The following VAX1 variants were observed in gnomAD, a reference collection of about 807,000 sequenced individuals.
VAX1 encodes the protein ventral anterior homeobox 1.
Under a neutral mutation model 17.6 loss-of-function variants are expected in VAX1, and 6 were observed. The ratio of observed to expected loss-of-function variants is 0.34; its 90% CI spans 0.19 to 0.67. VAX1 has a LOEUF of 0.67. Among genes scored for constraint, VAX1 ranks in the 30% least tolerant of loss-of-function variants. The probability of loss-of-function intolerance (pLI) is 0.69; values close to 1 mark genes in which losing one functional copy is unlikely to be tolerated. For missense variants in VAX1, 408 were observed against 463.7 expected (o/e 0.88, Z 1.10); for synonymous variants, 256 against 227.4 (o/e 1.13, Z -1.13).
Position 117,136,697 on chromosome 10 carries a change from G to A in VAX1, c.242-38C>T, listed in dbSNP as rs756420845. The A allele has an allele frequency of 1.7e-5, 27 of 1,586,380 alleles. No individual in the cohort carries two copies. The highest frequency in any genetic ancestry group is 2.7e-5 in the African/African-American group (2 of 74,296). ...AGATGTCAGCCGCCAGAACCCTCCCGTCCCCCTCCACCTCCTTGGCCCGAG... is the reference window on the plus strand; with the variant it reads ...AGATGTCAGCCGCCAGAACCCTCCCATCCCCCTCCACCTCCTTGGCCCGAG... On this transcript the variant is annotated intron_variant, in intron 1 of 2. Transcript: ENST00000369206. The surrounding 1 kb of genome is among the most constrained non-coding windows in gnomAD (Gnocchi z 5.0).
downstream of VAX1, among the ~76,000 whole-genome samples, chr10:117,132,994 C>CCGTA (rs1188188648): frequency 6.6e-6 from 1 of 152,160 alleles, no homozygotes; most frequent in Non-Finnish European, 1.5e-5. The surrounding 1 kb of genome is among the most constrained non-coding windows in gnomAD (Gnocchi z 4.9). Flanking sequence ...GCCTGGGAGG[C>CCGTA]CGTAGGGTGA....
chr10:117,133,456 G>A lies in VAX1; in HGVS notation c.*552C>T. ...TTTGCCCGCCAGGAAGCTGTGTTGT[G>A]TACCGACTATCCCGAGAGGTCCGCA... On this transcript the variant is annotated 3_prime_UTR_variant, in exon 3 of 3. Transcript: ENST00000369206. The A allele has an allele frequency of 1.0e-6, 1 of 985,636 alleles. No individual in the cohort carries two copies. The highest frequency in any genetic ancestry group is 1.2e-6 in the Non-Finnish European group (1 of 830,096). The allele number at this position is 985,636 out of a possible 1,614,324, so 61.1% of individuals were successfully genotyped here. A position where few individuals can be genotyped will look rare whatever the true frequency, so the allele number is the denominator to read the frequency against.
Position 117,137,684 on chromosome 10 carries a change from G to T in VAX1, c.241+132C>A. ...GCTTGTCCCCAGCCGGACTCGGGGC[G>T]GGGAGGGCCAACAACTTTCTCCCAA... is the stretch of plus-strand genomic sequence containing the variant. On this transcript the variant is annotated intron_variant, in intron 1 of 2. Transcript: ENST00000369206. This position sits in a 1 kb window ranked among gnomAD's most constrained non-coding sequence, Gnocchi z 7.4. The T allele has an allele frequency of 1.9e-6, 3 of 1,558,312 alleles. No homozygotes were observed. The highest frequency in any genetic ancestry group is 2.6e-6 in the Non-Finnish European group (3 of 1,162,690).
Position 117,134,697 on chromosome 10 carries a change from C to G in VAX1, c.430-114G>C. The G allele has an allele frequency of 9.0e-7, 1 of 1,111,798 alleles. No individual in the cohort carries two copies. The highest frequency in any genetic ancestry group is 2.9e-4 in the Middle Eastern group (1 of 3,498). The allele number at this position is 1,111,798 out of a possible 1,614,324, so 68.9% of individuals were successfully genotyped here. ...GGCTCTCCCCAAGTCCCAGCCCTAT[C>G]CGCAGCCCCACCCAGCAGCCGGAGG... On this transcript the variant is annotated intron_variant, in intron 2 of 2. Transcript: ENST00000369206. This position sits in a 1 kb window ranked among gnomAD's most constrained non-coding sequence, Gnocchi z 6.2.
Position 117,138,115 on chromosome 10 carries a change from G to A in VAX1, c.-59C>T, listed in dbSNP as rs1230970378. 2 of 332,604 alleles carry A rather than the reference G, an allele frequency of 6.0e-6. No individual in the cohort carries two copies. Among genetic ancestry groups the A allele is most frequent in the Middle Eastern group, 7.6e-4 (1 of 1,324 alleles). 20.6% of individuals were successfully genotyped at this position (332,604 alleles called of 1,614,324 possible). On this transcript the variant is annotated 5_prime_UTR_variant, in exon 1 of 3. Transcript: ENST00000369206. ...AAAAAGCAAAAAAAAAAAAAAGGGG[G>A]GGGGGCGGAGAAGGAAAAAAAAAAG...
In VAX1 at chr10:117,134,406, C is replaced by T. The variant is rs1205383057; in HGVS notation, c.607G>A (p.Gly203Ser). 4 of 1,482,944 alleles carry T rather than the reference C, an allele frequency of 2.7e-6. No homozygotes were observed. Among genetic ancestry groups the T allele is most frequent in the Non-Finnish European group, 3.6e-6 (4 of 1,123,808 alleles). 91.9% of individuals were successfully genotyped at this position (1,482,944 alleles called of 1,614,324 possible). ...CCGCGCAGCGCTGAGCCGAGAGCGC[C>T]CGTGGCGCAAGGCGGCAGCAGCGCA... The part of the protein sequence containing the change: ...LPALLPPCAT[G>S]ALGSALRGPS... Residue 203 changes from glycine to serine, a missense_variant, in exon 3 of 3, where the codon GGC becomes AGC. Around this residue, in one of 4 missense-constraint regions of VAX1, gnomAD observed 196 missense variants for 218.7 expected, o/e 0.90. Coordinates refer to ENST00000369206, the MANE Select transcript of VAX1 (RefSeq NM_001112704.2). This position sits in a 1 kb window ranked among gnomAD's most constrained non-coding sequence, Gnocchi z 6.2.
downstream of VAX1, chr10:117,132,107 T>C: frequency 8.2e-7 from 1 of 1,226,408 alleles, no homozygotes; most frequent in Middle Eastern, 2.8e-4. The surrounding 1 kb of genome is among the most constrained non-coding windows in gnomAD (Gnocchi z 4.9). Context: ...CTCAAGGAAG[T>C]GGAACAAATC....
chr10:117,137,921 C>G lies in VAX1; in HGVS notation c.136G>C (p.Glu46Gln), dbSNP rs367560423. 5.5e-5 allele frequency: 88 copies of G among 1,613,790 alleles called. No individual in the cohort carries two copies. Among genetic ancestry groups the G allele is most frequent in the Non-Finnish European group, 7.0e-5 (83 of 1,179,984 alleles). The change falls in exon 1 of 3, where the codon GAG becomes CAG. Residue 46 changes from glutamate (E) to glutamine (Q), a missense_variant. This residue lies in a region of VAX1 where 133 missense variants were observed against 112.0 expected (regional missense o/e 1.19). Transcript: ENST00000369206. This position sits in a 1 kb window ranked among gnomAD's most constrained non-coding sequence, Gnocchi z 7.4. ...GACGCTGAGAAGGCGCCCTGCGGCT[C>G]CTTGAGGAAGGCGGCTGGGAGGTTC... ...EGNLPAAFLK[E>Q]PQGAFSASGA...
In VAX1 at chr10:117,134,603, GA is replaced by G; in HGVS notation, c.430-21del. On this transcript the variant is annotated intron_variant, in intron 2 of 2. Transcript: ENST00000369206. The surrounding 1 kb of genome is among the most constrained non-coding windows in gnomAD (Gnocchi z 6.2). ...CTTCACCTGCGCGCCGGGGTGCGGGGAGAGTTGGAGAGAGGGGCAGGGAAGA... is the reference window on the plus strand; with the variant it reads ...CTTCACCTGCGCGCCGGGGTGCGGGGGAGTTGGAGAGAGGGGCAGGGAAGA... 2 of 1,506,906 alleles carry G rather than the reference GA, an allele frequency of 1.3e-6. No homozygotes were observed. Among genetic ancestry groups the G allele is most frequent in the East Asian group, 5.5e-5 (2 of 36,398 alleles). The allele number at this position is 1,506,906 out of a possible 1,614,324, so 93.3% of individuals were successfully genotyped here.
Position 117,137,916 on chromosome 10 carries a change from C to T in VAX1, c.141G>A (p.Pro47=). ...GNLPAAFLKE[P]QGAFSASGAA... Reference sequence around the variant, plus strand: ...CGCCCGACGCTGAGAAGGCGCCCTGCGGCTCCTTGAGGAAGGCGGCTGGGA... The same window carrying T: ...CGCCCGACGCTGAGAAGGCGCCCTGTGGCTCCTTGAGGAAGGCGGCTGGGA... Residue 47 remains proline (P), a synonymous_variant, in exon 1 of 3, where the codon CCG becomes CCA. Transcript: ENST00000369206. The surrounding 1 kb of genome is among the most constrained non-coding windows in gnomAD (Gnocchi z 7.4). The T allele has an allele frequency of 6.2e-7, 1 of 1,613,886 alleles. No individual in the cohort carries two copies. Among genetic ancestry groups the T allele is most frequent in the Non-Finnish European group, 8.5e-7 (1 of 1,179,984 alleles).
In VAX1 at chr10:117,133,918, GCGCA is replaced by G; in HGVS notation, c.*86_*89del. The G allele has an allele frequency of 7.0e-7, 1 of 1,429,962 alleles. No individual in the cohort carries two copies. The highest frequency in any genetic ancestry group is 9.1e-7 in the Non-Finnish European group (1 of 1,099,030). The allele number at this position is 1,429,962 out of a possible 1,614,324, so 88.6% of individuals were successfully genotyped here. A position where few individuals can be genotyped will look rare whatever the true frequency, so the allele number is the denominator to read the frequency against. On this transcript the variant is annotated 3_prime_UTR_variant, in exon 3 of 3. Coordinates refer to ENST00000369206, the MANE Select transcript of VAX1 (RefSeq NM_001112704.2). ...AGGCCTGGTGGGAGCCAGGAGCCCA[GCGCA>G]GGAGCTCTGGGCACCTAATGCGCGT...
chr10:117,134,739 C>T lies in VAX1; in HGVS notation c.430-156G>A, dbSNP rs535042708. On this transcript the variant is annotated intron_variant, in intron 2 of 2. Transcript: ENST00000369206. The surrounding 1 kb of genome is among the most constrained non-coding windows in gnomAD (Gnocchi z 6.2). ...AGCCGGAGGGGTCCGGGCCGGGGCG[C>T]TGCTGGGGGAGCTGGCGCCGCCACG... Among the ~76,000 whole-genome samples the T allele has an allele frequency of 7.1e-4, 108 of 152,186 alleles. 1 individual carries two copies. Among genetic ancestry groups the T allele is most frequent in the African/African-American group, 2.5e-3 (104 of 41,574 alleles).
downstream of VAX1, among the ~76,000 whole-genome samples, chr10:117,132,825 CA>C (rs1408020198): frequency 6.6e-6 from 1 of 152,152 alleles, no homozygotes; most frequent in Admixed American, 6.5e-5. The surrounding 1 kb of genome is among the most constrained non-coding windows in gnomAD (Gnocchi z 4.9). Flanking sequence ...GAGGCCCGAC[CA>C]CCCAGCGGCG....
rs1420816659 is a variant in VAX1, at chr10:117,137,830, C to T, written c.227G>A (p.Arg76Gln). 2 of 1,612,484 alleles carry T rather than the reference C, an allele frequency of 1.2e-6. No homozygotes were observed. The highest frequency in any genetic ancestry group is 1.7e-6 in the Non-Finnish European group (2 of 1,179,970). The change falls in exon 1 of 3, where the codon CGG (arginine) becomes CAG (glutamine). Residue 76 changes from arginine to glutamine, a missense_variant. Arg to Gln is a conservative substitution (Grantham distance 43). Transcript: ENST00000369206. This position sits in a 1 kb window ranked among gnomAD's most constrained non-coding sequence, Gnocchi z 7.4. Reference sequence around the variant, plus strand: ...CCCATCCCTACCTCGGACCAGGATCCGGCGGCAGTAATCCGGGTCCGCTGC... The same window carrying T: ...CCCATCCCTACCTCGGACCAGGATCTGGCGGCAGTAATCCGGGTCCGCTGC... ...NSAADPDYCR[R>Q]ILVRDAKGSI...
At chr10:117,132,381 C>G, downstream of VAX1, 2 of 1,610,660 alleles carry the variant, frequency 1.2e-6, no homozygotes, top group Non-Finnish European at 8.5e-7. This position sits in a 1 kb window ranked among gnomAD's most constrained non-coding sequence, Gnocchi z 4.9. Context: ...AAATACAAAA[C>G]ATCCAAATAT....
In VAX1 at chr10:117,138,249, G is replaced by T. The variant is rs201928731; in HGVS notation, c.-193C>A. 3 of 702,420 alleles carry T rather than the reference G, an allele frequency of 4.3e-6. No homozygotes were observed. Among genetic ancestry groups the T allele is most frequent in the Non-Finnish European group, 6.9e-6 (3 of 433,800 alleles). 43.5% of individuals were successfully genotyped at this position (702,420 alleles called of 1,614,324 possible). A position where few individuals can be genotyped will look rare whatever the true frequency, so the allele number is the denominator to read the frequency against. The stretch of plus-strand genomic sequence containing the variant: ...CGGGGAGGCTTCGGCGGCCGCGCGC[G>T]GGTCAGCGGCGACGGGAGAGTGGCG... On this transcript the variant is annotated 5_prime_UTR_variant, in exon 1 of 3. Coordinates refer to ENST00000369206, the MANE Select transcript of VAX1 (RefSeq NM_001112704.2).
At chr10:117,132,442 G>A (rs1443302349), downstream of VAX1, 3 of 1,610,856 alleles carry the variant, frequency 1.9e-6, no homozygotes, top group Non-Finnish European at 2.5e-6. The surrounding 1 kb of genome is among the most constrained non-coding windows in gnomAD (Gnocchi z 4.9). Context: ...ACACCTACCC[G>A]CGTTTGAATC....
chr10:117,135,259 CTCT>C (rs1156596481), intron 2 of VAX1, among the ~76,000 whole-genome samples: 1 of 152,198 alleles, frequency 6.6e-6, no homozygotes, highest in African/African-American at 2.4e-5. Flanking sequence ...ATTTCTGCAC[CTCT>C]TCTCACCAGA....
Position 117,137,711 on chromosome 10 carries a change from T to C in VAX1, c.241+105A>G. The C allele has an allele frequency of 6.3e-7, 1 of 1,589,524 alleles. No homozygotes were observed. The highest frequency in any genetic ancestry group is 8.5e-7 in the Non-Finnish European group (1 of 1,176,618). On this transcript the variant is annotated intron_variant, in intron 1 of 2. Coordinates refer to ENST00000369206, the MANE Select transcript of VAX1 (RefSeq NM_001112704.2). This position sits in a 1 kb window ranked among gnomAD's most constrained non-coding sequence, Gnocchi z 7.4. Reference sequence around the variant, plus strand: ...GGAGGGCCAACAACTTTCTCCCAAGTCCCAGCCGGCACTCCTTCCCACCGG... The same window carrying C: ...GGAGGGCCAACAACTTTCTCCCAAGCCCCAGCCGGCACTCCTTCCCACCGG...
Sources: allele counts gnomAD v4.1 joint callset (sites outside exome capture counted in the v4.1 genomes callset), GRCh38; gene constraint gnomAD v4.1.1; regional missense constraint gnomAD v4.1.1; non-coding constraint Gnocchi (gnomAD v3.1); transcripts MANE v1.5; gene names NCBI Gene and HGNC (gene_info 2026-07-23, HGNC 2026-07-21).